STAG1: variants seen among roughly 807,000 people sequenced by gnomAD.
STAG1 encodes the protein STAG1 cohesin complex component.
A neutral mutation model predicts 170.9 loss-of-function variants in STAG1; 26 were observed. The ratio of observed to expected loss-of-function variants is 0.15; its 90% CI spans 0.11 to 0.21. The LOEUF is 0.21. STAG1 is among the 10% of genes least tolerant of loss of function. The pLI is 1.00. For missense variants in STAG1, 964 were observed against 1,509.5 expected (o/e 0.64, Z 5.99); for synonymous variants, 514 against 497.7 (o/e 1.03, Z -0.44).
At chr3:136,417,409 T>C (rs908734822) in intron 21 of STAG1, 7 of 153,060 alleles carry the variant, frequency 4.6e-5, no homozygotes, top group African/African-American at 1.7e-4. Flanking sequence ...TAGGCAAAGT[T>C]TGTTGAATTT....
intron 5 of STAG1, among the ~76,000 whole-genome samples, chr3:136,562,182 A>C (rs556524762): frequency 6.1e-4 from 93 of 152,294 alleles, no homozygotes; most frequent in African/African-American, 2.1e-3. Flanking sequence ...CCTTTATGCC[A>C]AAAGAAATTC....
At chr3:136,450,008 C>T (rs2088892953) in intron 14 of STAG1, among the ~76,000 whole-genome samples, 1 of 151,770 alleles carries the variant, frequency 6.6e-6, no homozygotes, top group South Asian at 2.1e-4. Flanking sequence ...GGGATCCTCC[C>T]ACCTTAGCCT....
intron 4 of STAG1, among the ~76,000 whole-genome samples, chr3:136,582,014 A>T (rs1937600786): frequency 1.3e-5 from 2 of 152,236 alleles, no homozygotes; most frequent in African/African-American, 2.4e-5. Context: ...TGAGTTAAAT[A>T]AAAAAGTAAT....
At chr3:136,592,442 G>A (rs1938231854) in intron 4 of STAG1, among the ~76,000 whole-genome samples, 1 of 152,150 alleles carries the variant, frequency 6.6e-6, no homozygotes, top group Non-Finnish European at 1.5e-5. Context: ...GTTTCCTAAG[G>A]CCTCCCCAGC....
chr3:136,518,522 A>G (rs970133597), intron 7 of STAG1: 5 of 624,732 alleles, frequency 8.0e-6, no homozygotes, highest in African/African-American at 3.7e-5. Flanking sequence ...GAAAAGAGGG[A>G]TAATTGTTGT....
chr3:136,682,958 T>C (rs1480994794), intron 1 of STAG1, among the ~76,000 whole-genome samples: 8 of 152,132 alleles, frequency 5.3e-5, no homozygotes. Context: ...TTCTGACACA[T>C]GCTACAGTAT....
chr3:136,743,006 T>C (rs902043324), intron 1 of STAG1, among the ~76,000 whole-genome samples: 5 of 152,020 alleles, frequency 3.3e-5, no homozygotes, highest in Non-Finnish European at 7.4e-5. Context: ...TAAAGACAAA[T>C]ACTGACAATT....
At chr3:136,488,631 T>A (rs2090062659) in intron 9 of STAG1, among the ~76,000 whole-genome samples, 3 of 152,230 alleles carry the variant, frequency 2.0e-5, no homozygotes. Flanking sequence ...TACCCTGAAT[T>A]CTACTCTGAT....
At chr3:136,349,857 T>C (rs654237) in intron 28 of STAG1, among the ~76,000 whole-genome samples, 57,664 of 151,778 alleles carry the variant, frequency 0.38, 13,413 homozygotes, top group East Asian at 0.81. Context: ...GAGAAAAATT[T>C]ATTCAAGAAA....
At position 136,366,926 on chromosome 3, in the gene STAG1, A is replaced by G; in HGVS notation, c.2685+17T>C. 1.3e-6 allele frequency: 2 copies of G among 1,526,340 alleles called. No individual in the cohort carries two copies. The highest frequency in any genetic ancestry group is 1.8e-6 in the Non-Finnish European group (2 of 1,128,438). 94.5% of individuals were successfully genotyped at this position (1,526,340 alleles called of 1,614,324 possible). On this transcript the variant is annotated intron_variant, in intron 25 of 33. Coordinates refer to ENST00000383202, the MANE Select transcript of STAG1 (RefSeq NM_005862.3). ...GCCAGTTAGAGGAAGGAGAAAAATA[A>G]GAATATTTAACTATACCTTCATGTA...
intron 2 of STAG1, among the ~76,000 whole-genome samples, chr3:136,625,141 T>A (rs1940039750): frequency 6.6e-6 from 1 of 152,226 alleles, no homozygotes; most frequent in African/African-American, 2.4e-5. Flanking sequence ...CACTAAATTC[T>A]ACATTACTGC....
chr3:136,491,636 C>T (rs549143019), intron 9 of STAG1, among the ~76,000 whole-genome samples: 96 of 152,282 alleles, frequency 6.3e-4, no homozygotes, highest in African/African-American at 2.2e-3. Flanking sequence ...TTAGAAAACA[C>T]ATTCTTCTGG....
intron 12 of STAG1, among the ~76,000 whole-genome samples, chr3:136,470,989 G>T (rs999819071): frequency 3.8e-5 from 5 of 131,780 alleles, no homozygotes; most frequent in Admixed American, 1.6e-4. Flanking sequence ...GTTGTGGGGT[G>T]GGGGGAGGGA....
At chr3:136,484,390 G>A (rs1193343295) in intron 9 of STAG1, among the ~76,000 whole-genome samples, 15 of 148,166 alleles carry the variant, frequency 1.0e-4, no homozygotes, top group African/African-American at 2.2e-4. Flanking sequence ...TAGGCTGCTC[G>A]GGGGTCAGGG....
intron 8 of STAG1, among the ~76,000 whole-genome samples, chr3:136,500,767 T>C (rs909549184): frequency 6.6e-6 from 1 of 152,192 alleles, no homozygotes; most frequent in East Asian, 1.9e-4. Flanking sequence ...GCAGGCCAAG[T>C]TCCCAATAAG....
chr3:136,560,874 T>C (rs1210074646), intron 5 of STAG1, among the ~76,000 whole-genome samples: 3 of 152,204 alleles, frequency 2.0e-5, no homozygotes, highest in Admixed American at 2.0e-4. Flanking sequence ...AGAAGATGTT[T>C]CACTTTGTTC....
At chr3:136,356,004 T>C (rs1373187984) in intron 28 of STAG1, among the ~76,000 whole-genome samples, 1 of 151,960 alleles carries the variant, frequency 6.6e-6, no homozygotes, top group African/African-American at 2.4e-5. Context: ...ATTCAACACC[T>C]GTCTCTATCA....
intron 21 of STAG1, among the ~76,000 whole-genome samples, chr3:136,402,993 C>T (rs967935227): frequency 2.0e-5 from 3 of 151,508 alleles, no homozygotes; most frequent in Non-Finnish European, 2.9e-5. Context: ...TTTGGGAGGC[C>T]GAGGTGAGTG....
intron 1 of STAG1, among the ~76,000 whole-genome samples, chr3:136,724,395 C>A (rs1306774807): frequency 6.6e-6 from 1 of 151,076 alleles, no homozygotes; most frequent in Non-Finnish European, 1.5e-5. Context: ...TAAACAGATG[C>A]TTGAAGGCAG....
Sources: allele counts gnomAD v4.1 joint callset (sites outside exome capture counted in the v4.1 genomes callset), GRCh38; gene constraint gnomAD v4.1.1; transcripts MANE v1.5; gene names NCBI Gene and HGNC (gene_info 2026-07-23, HGNC 2026-07-21).